The following TNS3 variants were observed in gnomAD, a reference collection of about 807,000 sequenced individuals.
TNS3 encodes tensin 3, also known as tensin-3.
In TNS3, 45 loss-of-function variants were observed where a neutral mutation model predicts 140.9. The ratio of observed to expected loss-of-function variants is 0.32; its 90% CI spans 0.25 to 0.41. The LOEUF is 0.41. TNS3 is among the 10% of genes least tolerant of loss of function. TNS3 has a pLI of 1.00. For missense variants in TNS3, 1,716 were observed against 1,906.7 expected, an observed-to-expected ratio of 0.90 and a Z score of 1.86; for synonymous variants, 815 against 788.4, an observed-to-expected ratio of 1.03 and a Z score of -0.56.
At chr7:47,428,644 G>A (rs1794778206) in intron 8 of TNS3, among the ~76,000 whole-genome samples, 2 of 152,190 alleles carry the variant, frequency 1.3e-5, no homozygotes, top group African/African-American at 4.8e-5. Context: ...GACCAACACA[G>A]CAGCTGCCTG....
At chr7:47,519,916 C>T (rs1354264659) in intron 2 of TNS3, among the ~76,000 whole-genome samples, 1 of 151,156 alleles carries the variant, frequency 6.6e-6, no homozygotes, top group Admixed American at 6.6e-5. Context: ...CTCCGCCTCC[C>T]GGGTTCATGT....
At chr7:47,497,873 C>T (rs78516559) in intron 3 of TNS3, among the ~76,000 whole-genome samples, 3,064 of 152,270 alleles carry the variant, frequency 0.02, 33 homozygotes, top group African/African-American at 0.038. Flanking sequence ...GGCAGTCACT[C>T]AAACATTCAT....
intron 13 of TNS3, chr7:47,405,388 G>A (rs879070475): frequency 3.1e-6 from 2 of 647,490 alleles, no homozygotes; most frequent in South Asian, 3.6e-5. Flanking sequence ...CAGGCCTCAA[G>A]GAATCTGTGA....
intron 17 of TNS3, among the ~76,000 whole-genome samples, chr7:47,360,794 C>T (rs1790269216): frequency 6.6e-6 from 1 of 152,164 alleles, no homozygotes; most frequent in Non-Finnish European, 1.5e-5. Context: ...GCTGTCTTCC[C>T]CCATGCTCTG....
intron 27 of TNS3, among the ~76,000 whole-genome samples, chr7:47,291,213 T>C (rs563312922): frequency 6.6e-6 from 1 of 152,262 alleles, no homozygotes; most frequent in Admixed American, 6.5e-5. Flanking sequence ...CAGAGGATTT[T>C]TAGGGCAATA....
At chr7:47,345,517 T>C (rs958915312) in intron 18 of TNS3, among the ~76,000 whole-genome samples, 1 of 152,230 alleles carries the variant, frequency 6.6e-6, no homozygotes, top group Non-Finnish European at 1.5e-5. Flanking sequence ...AGACTATGAA[T>C]AGCTTTTTTT....
intron 26 of TNS3, among the ~76,000 whole-genome samples, chr7:47,292,376 T>G (rs1000869905): frequency 7.2e-5 from 11 of 152,240 alleles, no homozygotes; most frequent in Admixed American, 7.2e-4. Context: ...TACGGTCACA[T>G]CGCCCTGACA....
intron 4 of TNS3, among the ~76,000 whole-genome samples, chr7:47,478,098 A>C (rs2151772355): frequency 6.6e-6 from 1 of 152,346 alleles, no homozygotes; most frequent in Non-Finnish European, 1.5e-5. Flanking sequence ...CCAGAAAGGC[A>C]GGCATTTGCC....
chr7:47,529,253 A>T, intron 1 of TNS3, 106 bp from the exon 2 acceptor site: 1 of 610,542 alleles, frequency 1.6e-6, no homozygotes, highest in Non-Finnish European at 2.4e-6. Flanking sequence ...TAAAGAGCAA[A>T]AACAGGAATT....
chr7:47,559,270 A>G (rs1236149686), intron 1 of TNS3, among the ~76,000 whole-genome samples: 1 of 152,162 alleles, frequency 6.6e-6, no homozygotes. Context: ...GAACTGCTTG[A>G]ACCTGAGAGG....
intron 1 of TNS3, among the ~76,000 whole-genome samples, chr7:47,570,331 T>G (rs189141610): frequency 5.3e-5 from 8 of 152,358 alleles, no homozygotes; most frequent in African/African-American, 1.7e-4. Context: ...GAATATTCTT[T>G]TGTGCTGAAG....
intron 3 of TNS3, among the ~76,000 whole-genome samples, chr7:47,503,279 G>A (rs912337157): frequency 6.6e-6 from 1 of 152,068 alleles, no homozygotes; most frequent in Admixed American, 6.5e-5. Context: ...CCAGGCTGCA[G>A]GTTTCAAGGA....
chr7:47,327,526 G>A (rs926032175), intron 20 of TNS3, among the ~76,000 whole-genome samples: 2 of 152,214 alleles, frequency 1.3e-5, no homozygotes, highest in African/African-American at 4.8e-5. Context: ...GCCCTGGAAT[G>A]GGGCAGGCTC....
At chr7:47,440,209 G>A (rs550250395) in intron 5 of TNS3, among the ~76,000 whole-genome samples, 2 of 152,258 alleles carry the variant, frequency 1.3e-5, no homozygotes, top group South Asian at 4.1e-4. Context: ...TGGTGAGGTG[G>A]CCAGCTATGG....
intron 5 of TNS3, among the ~76,000 whole-genome samples, chr7:47,440,865 CTTTCT>C (rs1171767150): frequency 2.6e-5 from 4 of 152,166 alleles, no homozygotes; most frequent in South Asian, 2.1e-4. Context: ...GTGTTTCTCT[CTTTCT>C]TTTAATTTTG....
chr7:47,497,554 C>G (rs1798057028), intron 3 of TNS3, among the ~76,000 whole-genome samples: 1 of 152,064 alleles, frequency 6.6e-6, no homozygotes, highest in African/African-American at 2.4e-5. Flanking sequence ...GTTTCAGAAG[C>G]TGCTTCTGAG....
intron 2 of TNS3, among the ~76,000 whole-genome samples, chr7:47,518,332 T>C (rs976175967): frequency 2.0e-5 from 3 of 152,128 alleles, no homozygotes; most frequent in South Asian, 2.1e-4. Flanking sequence ...GCCGATGTCA[T>C]AGGGCGGCCA....
At chr7:47,431,377 G>C (rs1416429566) in intron 8 of TNS3, among the ~76,000 whole-genome samples, 2 of 152,006 alleles carry the variant, frequency 1.3e-5, no homozygotes, top group Admixed American at 1.3e-4. Flanking sequence ...GGTGGATCAC[G>C]AGGTCAGGAG....
intron 6 of TNS3, among the ~76,000 whole-genome samples, chr7:47,438,299 C>A (rs1387092074): frequency 1.3e-5 from 2 of 152,102 alleles, no homozygotes; most frequent in African/African-American, 4.8e-5. Context: ...TGACAAGGCC[C>A]CACAGACAGG....
Sources: allele counts gnomAD v4.1 joint callset (sites outside exome capture counted in the v4.1 genomes callset), GRCh38; gene constraint gnomAD v4.1.1; transcripts MANE v1.5; gene names NCBI Gene and HGNC (gene_info 2026-07-23, HGNC 2026-07-21).